GRB10: variants seen among roughly 807,000 people sequenced by gnomAD.
GRB10 encodes growth factor receptor bound protein 10.
In GRB10, 20 loss-of-function variants were observed where a neutral mutation model predicts 80.9. That is an observed-to-expected ratio of 0.25 (90% CI 0.17 to 0.36). The LOEUF (loss-of-function observed/expected upper bound fraction) is 0.36, where lower values mean the gene tolerates loss of function less well. Ranked by LOEUF, GRB10 falls within the 10% of genes least tolerant of loss-of-function variation. The pLI is 1.00. For synonymous variants in GRB10, 291 were observed against 291.5 expected (o/e 1.00, Z 0.02); for missense variants, 548 against 747.7 (o/e 0.73, Z 3.12).
At chr7:50,608,810 C>G (rs140675644) in intron 13 of GRB10, among the ~76,000 whole-genome samples, 2,108 of 151,924 alleles carry the variant, frequency 0.014, 51 homozygotes, top group African/African-American at 0.048. Flanking sequence ...ATAAAAAATA[C>G]AAAAATTAGC....
At chr7:50,703,686 T>A in intron 5 of GRB10, 135 bp downstream of exon 5, 1 of 678,566 alleles carries the variant, frequency 1.5e-6, no homozygotes, top group Non-Finnish European at 2.7e-6. Context: ...GAATTCACTG[T>A]CCTTAATGAG....
chr7:50,662,428 C>A (rs1475589274), intron 7 of GRB10, among the ~76,000 whole-genome samples: 1 of 152,242 alleles, frequency 6.6e-6, no homozygotes, highest in Admixed American at 6.5e-5. Flanking sequence ...AAATCCATCT[C>A]CTTTCAGCAG....
chr7:50,606,436 T>C, intron 13 of GRB10, 22 bp from the exon 14 acceptor site: 3 of 1,597,344 alleles, frequency 1.9e-6, no homozygotes, highest in Non-Finnish European at 2.6e-6. Flanking sequence ...AAGCCACAGT[T>C]AGTCACCGGC....
At chr7:50,649,097 C>T (rs1486770977) in intron 7 of GRB10, among the ~76,000 whole-genome samples, 1 of 151,988 alleles carries the variant, frequency 6.6e-6, no homozygotes, top group East Asian at 1.9e-4. Context: ...AGGCCATCGT[C>T]CTTGTACTCG....
At chr7:50,790,658 A>G (rs1316296031) in intron 1 of GRB10, among the ~76,000 whole-genome samples, 1 of 152,256 alleles carries the variant, frequency 6.6e-6, no homozygotes, top group Admixed American at 6.5e-5. Flanking sequence ...GCTCAAATAC[A>G]TTCTACGATC....
At chr7:50,633,432 A>G (rs1433162075) in intron 7 of GRB10, among the ~76,000 whole-genome samples, 1 of 152,224 alleles carries the variant, frequency 6.6e-6, no homozygotes, top group Non-Finnish European at 1.5e-5. Flanking sequence ...AGCAAATGAA[A>G]GTAAATTCAA....
At chr7:50,603,405 T>A (rs1486379641) in intron 17 of GRB10, among the ~76,000 whole-genome samples, 1 of 151,992 alleles carries the variant, frequency 6.6e-6, no homozygotes, top group Non-Finnish European at 1.5e-5. Context: ...TGTAGTGGGG[T>A]TTAACCTCTC....
chr7:50,791,248 T>C (rs1052303566), intron 1 of GRB10, among the ~76,000 whole-genome samples: 1 of 152,150 alleles, frequency 6.6e-6, no homozygotes, highest in African/African-American at 2.4e-5. Context: ...CCAAAATAAA[T>C]GTGTATTTAA....
At chr7:50,638,849 A>G (rs935248458) in intron 7 of GRB10, among the ~76,000 whole-genome samples, 1 of 151,954 alleles carries the variant, frequency 6.6e-6, no homozygotes, top group African/African-American at 2.4e-5. Flanking sequence ...CTAAATGTCT[A>G]TCAATGGTAG....
chr7:50,676,283 T>G (rs1180102023), intron 5 of GRB10, among the ~76,000 whole-genome samples: 1 of 148,552 alleles, frequency 6.7e-6, no homozygotes, highest in Non-Finnish European at 1.5e-5. Context: ...GGCTTCCTAT[T>G]TCTTAAGAGT....
At position 50,709,575 on chromosome 7, in the gene GRB10, C is replaced by T. The variant is rs1182511427; in HGVS notation, c.52-5667G>A. 4.0e-5 allele frequency among the ~76,000 whole-genome samples: 6 copies of T among 151,348 alleles called. No homozygotes were observed. The East Asian group carries it at 9.8e-4, about 25-fold the overall frequency. ...TTAAACTCTTTTTTTTTGCTCCCCA[C>T]CCCCACCCCGCGCCCTCCGGAGGGT... On this transcript the variant is annotated intron_variant, in intron 4 of 18. Transcript: ENST00000401949.
At chr7:50,653,279 AG>A (rs1035677309) in intron 7 of GRB10, among the ~76,000 whole-genome samples, 4 of 152,200 alleles carry the variant, frequency 2.6e-5, no homozygotes, top group African/African-American at 9.7e-5. Flanking sequence ...TAGCCACAGC[AG>A]GAAGAGTCTG....
chr7:50,691,213 T>TG (rs1189076088), intron 5 of GRB10, among the ~76,000 whole-genome samples: 2 of 152,194 alleles, frequency 1.3e-5, no homozygotes, highest in Admixed American at 6.5e-5. Context: ...AATCTTGGTT[T>TG]GAGCCACTGA....
At chr7:50,702,767 T>C (rs557093777) in intron 5 of GRB10, among the ~76,000 whole-genome samples, 3 of 152,358 alleles carry the variant, frequency 2.0e-5, no homozygotes, top group Admixed American at 2.0e-4. Flanking sequence ...TACTTTGGTA[T>C]CTGTAGAATA....
intron 7 of GRB10, 126 bp from the exon 8 acceptor site, chr7:50,627,104 C>T: frequency 1.0e-6 from 1 of 988,778 alleles, no homozygotes; most frequent in Non-Finnish European, 1.6e-6. Flanking sequence ...ACTGTTTTTC[C>T]AGGCAGCCAA....
At chr7:50,721,318 C>T (rs754763830) in intron 4 of GRB10, among the ~76,000 whole-genome samples, 9 of 152,148 alleles carry the variant, frequency 5.9e-5, no homozygotes, top group Non-Finnish European at 1.0e-4. Flanking sequence ...GCCCAGGATG[C>T]GACTCCTCCC....
chr7:50,690,562 T>C (rs1362236582), intron 5 of GRB10, among the ~76,000 whole-genome samples: 2 of 152,246 alleles, frequency 1.3e-5, no homozygotes, highest in African/African-American at 4.8e-5. Flanking sequence ...CCATATGTTG[T>C]GGATCATTAA....
chr7:50,696,335 A>C (rs2063418813), intron 5 of GRB10, among the ~76,000 whole-genome samples: 1 of 152,220 alleles, frequency 6.6e-6, no homozygotes, highest in South Asian at 2.1e-4. Context: ...ACCATGGCAG[A>C]CATGATATCC....
At chr7:50,622,581 G>GT (rs140909450) in intron 8 of GRB10, among the ~76,000 whole-genome samples, 2,160 of 152,200 alleles carry the variant, frequency 0.014, 46 homozygotes, top group African/African-American at 0.049. Flanking sequence ...TGTTCTCTGT[G>GT]TAAGTTCCAG....
Sources: allele counts gnomAD v4.1 joint callset (sites outside exome capture counted in the v4.1 genomes callset), GRCh38; gene constraint gnomAD v4.1.1; transcripts MANE v1.5; gene names NCBI Gene and HGNC (gene_info 2026-07-23, HGNC 2026-07-21).